The following MRO variants were observed in gnomAD, a reference collection of about 807,000 sequenced individuals.
The protein encoded by MRO is maestro.
In MRO, 28 loss-of-function variants were observed where a neutral mutation model predicts 31.0. The observed-to-expected ratio is 0.90, with a 90% CI of 0.67 to 1.24. The LOEUF (loss-of-function observed/expected upper bound fraction) is 1.24. Ranked by LOEUF, MRO falls within the 50% of genes most tolerant of loss-of-function variation. The pLI is 0.00. For synonymous variants in MRO, 108 were observed against 108.4 expected (o/e 1.00, Z 0.02); for missense variants, 332 against 289.2 (o/e 1.15, Z -1.07).
chr18:50,799,449 T>C (rs370272610), intron 7 of MRO, 59 bp from the exon 8 acceptor site: 5 of 1,426,714 alleles, frequency 3.5e-6, no homozygotes, highest in African/African-American at 1.4e-5. Flanking sequence ...TCCTTGACAA[T>C]GTAACTAGTA....
At chr18:50,809,256 A>AAAT (rs748219361) in intron 3 of MRO, 46 bp downstream of exon 3, 5 of 1,477,422 alleles carry the variant, frequency 3.4e-6, no homozygotes, top group Middle Eastern at 1.7e-4. Flanking sequence ...ATCTTACAAA[A>AAAT]CAGCTGCTGG....
chr18:50,804,654 G>C (rs184200794), intron 5 of MRO, among the ~76,000 whole-genome samples: 2 of 152,082 alleles, frequency 1.3e-5, no homozygotes, highest in Non-Finnish European at 2.9e-5. Flanking sequence ...TTGAGGGTTA[G>C]AGATAAAATT....
rs754995570 is a variant in MRO, at chr18:50,801,442, C to T, written c.492G>A (p.Gly164=). 6.2e-7 allele frequency: 1 copy of T among 1,612,594 alleles called. No homozygotes were observed. Among genetic ancestry groups the T allele is most frequent in the East Asian group, 2.2e-5 (1 of 44,864 alleles). ...TGGTGAAAAATTTTTTCCATTTCCT[C>T]CCGGCAAAGGCAGCCAATTGCCCAA... ...VLFGQLAAFA[G]RKWKKFFTSQ... Residue 164 remains glycine (G), a synonymous_variant, in exon 6 of 8, where the codon GGG becomes GGA. Transcript: ENST00000398439.
At chr18:50,815,063 AAAT>A (rs1914791769) in intron 2 of MRO, 1 of 181,530 alleles carries the variant, frequency 5.5e-6, no homozygotes, top group African/African-American at 2.4e-5. Context: ...TCGTCTCAAA[AAAT>A]AATAATAAAA....
chr18:50,803,969 C>T (rs571853086), intron 5 of MRO, among the ~76,000 whole-genome samples: 16 of 152,342 alleles, frequency 1.1e-4, no homozygotes, highest in Admixed American at 9.8e-4. Context: ...TCGGGCTGAA[C>T]GATGTGCCGG....
chr18:50,800,884 C>CAA lies in MRO; in HGVS notation c.585+463_585+464dup, dbSNP rs11295212. Among the ~76,000 whole-genome samples, 9 of 105,436 alleles carry CAA rather than the reference C, an allele frequency of 8.5e-5. No homozygotes were observed. The East Asian group carries it at 2.1e-3, about 25-fold the overall frequency. The allele number at this position is 105,436 out of a possible 152,430, so 69.2% of individuals were successfully genotyped here. On this transcript the variant is annotated intron_variant, in intron 6 of 7. Transcript: ENST00000398439. ...CTGGGCAACAAGAGCAAAACTGTCT[C>CAA]AAAAAAAAAAAAAAGAAAGAAAGAA...
intron 5 of MRO, among the ~76,000 whole-genome samples, chr18:50,804,683 C>T (rs1913731813): frequency 6.6e-6 from 1 of 152,144 alleles, no homozygotes; most frequent in Admixed American, 6.5e-5. Context: ...CTTTACATGT[C>T]CTCCCAACCC....
At chr18:50,799,665 C>A (rs2144574651) in intron 7 of MRO, among the ~76,000 whole-genome samples, 1 of 152,262 alleles carries the variant, frequency 6.6e-6, no homozygotes, top group South Asian at 2.1e-4. Flanking sequence ...AATCCCAGTA[C>A]TTTGGGAGGC....
intron 4 of MRO, among the ~76,000 whole-genome samples, 165 bp downstream of exon 4, chr18:50,806,539 G>A (rs559326050): frequency 1.4e-4 from 22 of 152,256 alleles, no homozygotes; most frequent in Admixed American, 3.3e-4. Context: ...GCGAAAACCC[G>A]AGATAATCAA....
At chr18:50,819,856 C>A (rs146595650) in intron 1 of MRO, 41 bp downstream of exon 1, 2 of 1,545,482 alleles carry the variant, frequency 1.3e-6, no homozygotes, top group African/African-American at 1.4e-5. Context: ...GGAATGAAAC[C>A]GACAAGAATA....
intron 2 of MRO, among the ~76,000 whole-genome samples, chr18:50,817,130 A>C (rs1914994211): frequency 6.6e-6 from 1 of 152,136 alleles, no homozygotes; most frequent in South Asian, 2.1e-4. Flanking sequence ...GGAAGATTCG[A>C]TCTGTGATTA....
In MRO at chr18:50,819,697, G is replaced by C; in HGVS notation, c.-121C>G. 6.4e-7 allele frequency: 1 copy of C among 1,550,542 alleles called. No homozygotes were observed. Among genetic ancestry groups the C allele is most frequent in the African/African-American group, 1.4e-5 (1 of 73,138 alleles). ...GACTCGGCTAAATTTTCCCAGCCCT[G>C]AATTCCTAACATACAAGAAGGGAAA... On this transcript the variant is annotated 5_prime_UTR_variant, in exon 2 of 8. Coordinates refer to ENST00000398439, the MANE Select transcript of MRO (RefSeq NM_031939.6).
chr18:50,815,655 GGAA>G, intron 2 of MRO: 1 of 359,766 alleles, frequency 2.8e-6, no homozygotes, highest in Non-Finnish European at 5.5e-6. Context: ...CAGTTTTGGT[GGAA>G]GAAGTTCAGG....
rs1224990037 is a variant in MRO, at chr18:50,819,671, T to C, written c.-95A>G. The C allele has an allele frequency of 6.4e-7, 1 of 1,551,262 alleles. No individual in the cohort carries two copies. On this transcript the variant is annotated 5_prime_UTR_variant, in exon 2 of 8. Coordinates refer to ENST00000398439, the MANE Select transcript of MRO (RefSeq NM_031939.6). Reference sequence around the variant, plus strand: ...TTTCCCGGGTAGTAGCCAAATGTGATGACTCGGCTAAATTTTCCCAGCCCT... The same window carrying C: ...TTTCCCGGGTAGTAGCCAAATGTGACGACTCGGCTAAATTTTCCCAGCCCT...
At chr18:50,801,807 G>A (rs185025238) in intron 5 of MRO, among the ~76,000 whole-genome samples, 11 of 152,182 alleles carry the variant, frequency 7.2e-5, no homozygotes, top group Admixed American at 3.3e-4. Context: ...TTTTTTGTTC[G>A]TTATTTCATG....
intron 2 of MRO, among the ~76,000 whole-genome samples, chr18:50,817,335 T>C (rs1002638372): frequency 6.6e-6 from 1 of 151,942 alleles, no homozygotes; most frequent in Non-Finnish European, 1.5e-5. Flanking sequence ...GGGGTACGTG[T>C]TACAAACTCC....
upstream of MRO, among the ~76,000 whole-genome samples, chr18:50,824,382 A>G (rs568584302): frequency 1.3e-5 from 2 of 151,952 alleles, no homozygotes; most frequent in African/African-American, 4.8e-5. Context: ...TCAAGGCTAA[A>G]GTAAGCCATG....
chr18:50,803,048 C>G (rs112179188), intron 5 of MRO, among the ~76,000 whole-genome samples: 6 of 152,028 alleles, frequency 3.9e-5, no homozygotes, highest in African/African-American at 1.2e-4. Context: ...AGTCTGACAA[C>G]CATCTAACTG....
chr18:50,812,294 G>T (rs1914542446), intron 2 of MRO, among the ~76,000 whole-genome samples: 1 of 152,156 alleles, frequency 6.6e-6, no homozygotes, highest in South Asian at 2.1e-4. Flanking sequence ...TCGTGTGCTT[G>T]TTGGTGATTT....
Sources: gnomAD v4.1 joint callset for allele counts (sites outside exome capture counted in the v4.1 genomes callset) on GRCh38, gnomAD v4.1.1 for gene constraint, MANE v1.5 for transcripts, NCBI Gene and HGNC (gene_info 2026-07-23, HGNC 2026-07-21) for gene names.